SRD5A2: variants seen among roughly 807,000 people sequenced by gnomAD.
The protein encoded by SRD5A2 is steroid 5 alpha-reductase 2.
In SRD5A2, 30 loss-of-function variants were observed where a neutral mutation model predicts 27.4. The ratio of observed to expected loss-of-function variants is 1.10; its 90% CI spans 0.82 to 1.49. The LOEUF is 1.49. SRD5A2 is among the 40% of genes most tolerant of loss of function. SRD5A2 has a pLI of 0.00. For synonymous variants in SRD5A2, 141 were observed against 133.6 expected, an observed-to-expected ratio of 1.06 and a Z score of -0.38; for missense variants, 348 against 323.4, an observed-to-expected ratio of 1.08 and a Z score of -0.58.
At chr2:31,643,522 A>G in the SRD5A2 span, among the ~76,000 whole-genome samples, 1 of 152,134 alleles carries the variant, frequency 6.6e-6, no homozygotes, top group Non-Finnish European at 1.5e-5. Flanking sequence ...CATAGGACCA[A>G]TGACACATCA....
At chr2:31,549,301 AG>A (rs1287359250) in intron 1 of SRD5A2, among the ~76,000 whole-genome samples, 1 of 151,584 alleles carries the variant, frequency 6.6e-6, no homozygotes, top group African/African-American at 2.4e-5. Flanking sequence ...TTTAGTAGAG[AG>A]GGGGTTTCAC....
chr2:31,544,760 TG>T (rs1666208983), intron 1 of SRD5A2, among the ~76,000 whole-genome samples: 2 of 151,798 alleles, frequency 1.3e-5, no homozygotes, highest in Admixed American at 6.5e-5. Context: ...TAAAACCAAA[TG>T]CTCCTTCTTT....
At chr2:31,598,750 G>C in the SRD5A2 span, among the ~76,000 whole-genome samples, 14 of 151,776 alleles carry the variant, frequency 9.2e-5, no homozygotes, top group Admixed American at 4.6e-4. Flanking sequence ...CAGGAAGGAA[G>C]GAAAGAAGGA....
chr2:31,597,367 T>C, the SRD5A2 span, among the ~76,000 whole-genome samples: 4 of 151,782 alleles, frequency 2.6e-5, no homozygotes, highest in Non-Finnish European at 5.9e-5. Context: ...ACCATAAAAA[T>C]TCTAGAAGAT....
At chr2:31,587,244 T>G in the SRD5A2 span, among the ~76,000 whole-genome samples, 1 of 152,090 alleles carries the variant, frequency 6.6e-6, no homozygotes, top group Non-Finnish European at 1.5e-5. Context: ...CATTAAAAAG[T>G]CAGGAAACAA....
chr2:31,538,404 C>T (rs1263130630), intron 1 of SRD5A2, among the ~76,000 whole-genome samples: 1 of 152,178 alleles, frequency 6.6e-6, no homozygotes, highest in Admixed American at 6.5e-5. Context: ...CTGGCCACAT[C>T]TCACTAACTC....
chr2:31,577,338 C>T lies in SRD5A2; in HGVS notation c.281+3282G>A, dbSNP rs1244915285. On this transcript the variant is annotated intron_variant, in intron 1 of 4. Coordinates refer to ENST00000622030, the MANE Select transcript of SRD5A2 (RefSeq NM_000348.4). Reference sequence around the variant, plus strand: ...ATCTGAATTGACCTAACTATGCAATCTCAGCAATTATGATTCCCAAGTAAT... The same window carrying T: ...ATCTGAATTGACCTAACTATGCAATTTCAGCAATTATGATTCCCAAGTAAT... 2.6e-5 allele frequency among the ~76,000 whole-genome samples: 4 copies of T among 152,078 alleles called. No individual in the cohort carries two copies. In the East Asian group the frequency reaches 7.8e-4, roughly 30 times the overall value.
At chr2:31,542,001 C>G (rs1666138729) in intron 1 of SRD5A2, among the ~76,000 whole-genome samples, 1 of 152,150 alleles carries the variant, frequency 6.6e-6, no homozygotes, top group Admixed American at 6.5e-5. Flanking sequence ...ACTTGAGAGG[C>G]AGTCTAGGCC....
intron 1 of SRD5A2, among the ~76,000 whole-genome samples, chr2:31,546,485 C>A (rs1014558816): frequency 6.8e-6 from 1 of 147,368 alleles, no homozygotes; most frequent in Non-Finnish European, 1.5e-5. Context: ...ATGTCCTTTG[C>A]AGCAACATGG....
At chr2:31,552,999 C>T (rs1666411344) in intron 1 of SRD5A2, among the ~76,000 whole-genome samples, 1 of 151,820 alleles carries the variant, frequency 6.6e-6, no homozygotes, top group South Asian at 2.1e-4. Context: ...TAATGAGTTA[C>T]GAGAGGAAAC....
chr2:31,629,276 T>C, the SRD5A2 span, among the ~76,000 whole-genome samples: 1 of 152,174 alleles, frequency 6.6e-6, no homozygotes, highest in South Asian at 2.1e-4. Flanking sequence ...TTGGAATCCA[T>C]GAGGCCAAGA....
At chr2:31,613,638 A>G in the SRD5A2 span, among the ~76,000 whole-genome samples, 3 of 152,224 alleles carry the variant, frequency 2.0e-5, no homozygotes, top group African/African-American at 4.8e-5. Context: ...TGGAATATTC[A>G]TATGATCCAG....
In SRD5A2 at chr2:31,524,225, G is replaced by T. The variant is rs1665724754; in HGVS notation, c.*1971C>A. 8.8e-6 allele frequency: 2 copies of T among 226,104 alleles called. No individual in the cohort carries two copies. The highest frequency in any genetic ancestry group is 1.1e-4 in the Admixed American group (2 of 17,484). 14.0% of individuals were successfully genotyped at this position (226,104 alleles called of 1,614,324 possible). ...GTTTTCAATGTCATGGAGAGAACTG[G>T]AAGTCTTTTATGTCACAGAGCTCAA... On this transcript the variant is annotated 3_prime_UTR_variant, in exon 5 of 5. Transcript: ENST00000622030.
At chr2:31,539,125 G>A (rs986177724) in intron 1 of SRD5A2, among the ~76,000 whole-genome samples, 3 of 152,128 alleles carry the variant, frequency 2.0e-5, no homozygotes, top group East Asian at 1.9e-4. Flanking sequence ...GTCTCTGGAC[G>A]TTATTTAAAA....
upstream of SRD5A2, among the ~76,000 whole-genome samples, chr2:31,583,399 A>G (rs192135273): frequency 6.6e-6 from 1 of 152,322 alleles, no homozygotes; most frequent in East Asian, 1.9e-4. Context: ...GTAAAGTTAC[A>G]TGGTAAAGGG....
intron 1 of SRD5A2, among the ~76,000 whole-genome samples, chr2:31,572,161 G>C (rs1449657198): frequency 6.6e-6 from 1 of 152,154 alleles, no homozygotes; most frequent in African/African-American, 2.4e-5. Flanking sequence ...GAAAAATAAT[G>C]AGATCATGTC....
At chr2:31,578,333 T>C (rs2754530) in intron 1 of SRD5A2, among the ~76,000 whole-genome samples, 96,958 of 150,668 alleles carry the variant, frequency 0.64, 31,280 homozygotes, top group Middle Eastern at 0.7. Context: ...CAACAGTTTA[T>C]TATCATACCT....
At chr2:31,615,121 T>C in the SRD5A2 span, among the ~76,000 whole-genome samples, 1 of 151,844 alleles carries the variant, frequency 6.6e-6, no homozygotes, top group Non-Finnish European at 1.5e-5. Flanking sequence ...TAATAATAAA[T>C]TACCCAGTCT....
chr2:31,618,186 CT>C, the SRD5A2 span, among the ~76,000 whole-genome samples: 1 of 152,236 alleles, frequency 6.6e-6, no homozygotes, highest in African/African-American at 2.4e-5. Flanking sequence ...ACTATGAGAT[CT>C]TGTGAGACTT....
Sources: gnomAD v4.1 joint callset for allele counts (sites outside exome capture counted in the v4.1 genomes callset) on GRCh38, gnomAD v4.1.1 for gene constraint, MANE v1.5 for transcripts, NCBI Gene and HGNC (gene_info 2026-07-23, HGNC 2026-07-21) for gene names.